The following DOCK1 variants were observed in gnomAD, a reference collection of about 807,000 sequenced individuals.
DOCK1 encodes the protein dedicator of cytokinesis protein 1.
A neutral mutation model predicts 262.7 loss-of-function variants in DOCK1; 138 were observed. The observed-to-expected ratio is 0.53, with a 90% CI of 0.46 to 0.61. DOCK1 has a LOEUF of 0.61. Among genes scored for constraint, DOCK1 ranks in the 20% least tolerant of loss-of-function variants. DOCK1 has a pLI of 0.00. For synonymous variants in DOCK1, 866 were observed against 867.4 expected (o/e 1.00, Z 0.03); for missense variants, 1,908 against 2,370.7 (o/e 0.80, Z 4.05).
chr10:126,979,242 C>T lies in DOCK1; in HGVS notation c.171+1254C>T, dbSNP rs1384574175. On this transcript the variant is annotated intron_variant, in intron 3 of 51. Coordinates refer to ENST00000623213, the MANE Select transcript of DOCK1 (RefSeq NM_001290223.2). ...TCCCCAATCAAGAGTGAATTCCAGC[C>T]AGGCCCAAAGATATGCACCTGTAGG... Among the ~76,000 whole-genome samples, 2 of 152,122 alleles carry T rather than the reference C, an allele frequency of 1.3e-5. 1 individual carries two copies. The highest frequency in any genetic ancestry group is 2.9e-5 in the Non-Finnish European group (2 of 68,016).
At chr10:127,081,735 C>T (rs550639580) in intron 23 of DOCK1, among the ~76,000 whole-genome samples, 3 of 152,174 alleles carry the variant, frequency 2.0e-5, no homozygotes, top group South Asian at 4.1e-4. Context: ...TCTGTCTTGC[C>T]GTGGACAAAT....
chr10:126,996,687 G>A, intron 6 of DOCK1, 61 bp from the exon 7 acceptor site: 1 of 1,491,412 alleles, frequency 6.7e-7, no homozygotes, highest in Non-Finnish European at 8.9e-7. Context: ...TGGAAGTTGT[G>A]CTAGAAAATT....
intron 29 of DOCK1, among the ~76,000 whole-genome samples, chr10:127,273,703 G>A (rs1027394818): frequency 2.0e-5 from 3 of 151,998 alleles, no homozygotes; most frequent in South Asian, 2.1e-4. Flanking sequence ...GCAACACGAC[G>A]CAACCCCATC....
At chr10:127,105,473 A>G (rs140342074) in intron 23 of DOCK1, among the ~76,000 whole-genome samples, 68 of 152,346 alleles carry the variant, frequency 4.5e-4, no homozygotes, top group African/African-American at 1.5e-3. Flanking sequence ...TATACAGGAA[A>G]ACATTTTTGG....
At chr10:127,105,463 T>C (rs563437444) in intron 23 of DOCK1, among the ~76,000 whole-genome samples, 79 of 152,286 alleles carry the variant, frequency 5.2e-4, no homozygotes, top group African/African-American at 1.8e-3. Context: ...TATATGCAGA[T>C]ATACAGGAAA....
At chr10:127,279,637 G>A (rs1164115048) in intron 29 of DOCK1, among the ~76,000 whole-genome samples, 1 of 152,070 alleles carries the variant, frequency 6.6e-6, no homozygotes, top group East Asian at 1.9e-4. Context: ...TTCTCTACAG[G>A]GCTGGTCCTC....
intron 1 of DOCK1, among the ~76,000 whole-genome samples, chr10:126,923,994 A>G (rs1221929033): frequency 6.6e-6 from 1 of 152,228 alleles, no homozygotes; most frequent in Non-Finnish European, 1.5e-5. Flanking sequence ...ATGAATTTCC[A>G]TTGTTTGTAA....
intron 19 of DOCK1, among the ~76,000 whole-genome samples, chr10:127,039,849 A>C (rs2135601616): frequency 6.6e-6 from 1 of 152,324 alleles, no homozygotes; most frequent in African/African-American, 2.4e-5. Flanking sequence ...ATTTAGCAAA[A>C]GATACGCTGT....
intron 25 of DOCK1, among the ~76,000 whole-genome samples, chr10:127,122,646 A>C (rs78055700): frequency 1.0e-5 from 1 of 99,038 alleles, no homozygotes; most frequent in Admixed American, 1.0e-4. Flanking sequence ...TTTTTTTTTT[A>C]CATCTTCTTG....
chr10:126,960,008 A>G (rs2037072572), intron 1 of DOCK1, among the ~76,000 whole-genome samples: 1 of 152,014 alleles, frequency 6.6e-6, no homozygotes, highest in African/African-American at 2.4e-5. Flanking sequence ...GGGTTTCACC[A>G]TGTTGGTCAG....
intron 27 of DOCK1, among the ~76,000 whole-genome samples, chr10:127,162,901 T>A (rs777807780): frequency 3.9e-5 from 6 of 152,076 alleles, no homozygotes; most frequent in Non-Finnish European, 7.3e-5. Context: ...CAGAAGACCT[T>A]TGTTTCCAAA....
In DOCK1 at chr10:127,413,021, G is replaced by A. The variant is rs148630290; in HGVS notation, c.4428+2097G>A. On this transcript the variant is annotated intron_variant, in intron 43 of 51. Transcript: ENST00000623213. ...AGGCACGTCCAACCTGGACACCCTC[G>A]CTAAGGGCAGTGGCTTTCAGAGCAG... is the stretch of plus-strand genomic sequence containing the variant. Among the ~76,000 whole-genome samples the A allele has an allele frequency of 2.1e-3, 327 of 152,292 alleles. 2 individuals are homozygous for A. The highest frequency in any genetic ancestry group is 3.7e-3 in the Non-Finnish European group (253 of 68,016).
At chr10:127,041,970 C>T (rs2044046028) in intron 19 of DOCK1, among the ~76,000 whole-genome samples, 1 of 152,206 alleles carries the variant, frequency 6.6e-6, no homozygotes, top group Admixed American at 6.5e-5. Flanking sequence ...GGACTTGAAG[C>T]TGACTTGTAG....
intron 38 of DOCK1, among the ~76,000 whole-genome samples, chr10:127,392,261 T>C (rs6482854): frequency 0.47 from 70,295 of 151,160 alleles, 16,678 homozygotes; most frequent in African/African-American, 0.51. Context: ...GGGGTGGGCC[T>C]CGAGGCTCTG....
chr10:127,035,501 C>T (rs1436045439), intron 18 of DOCK1, among the ~76,000 whole-genome samples: 1 of 152,094 alleles, frequency 6.6e-6, no homozygotes. Flanking sequence ...TCCCTTTGCT[C>T]CAAGGTGTTT....
intron 27 of DOCK1, among the ~76,000 whole-genome samples, chr10:127,247,682 G>A (rs1363341198): frequency 1.3e-5 from 2 of 152,186 alleles, no homozygotes. Context: ...ATACAGCCCT[G>A]AGTGTGAGTG....
chr10:127,136,778 C>T (rs1414694123), intron 27 of DOCK1: 1 of 152,602 alleles, frequency 6.6e-6, no homozygotes, highest in African/African-American at 2.4e-5. Flanking sequence ...GCGACATTGT[C>T]CCTTGGTAGC....
chr10:126,941,559 A>C lies in DOCK1; in HGVS notation c.47-29143A>C, dbSNP rs990997469. Among the ~76,000 whole-genome samples the C allele has an allele frequency of 3.7e-3, 567 of 152,284 alleles. 3 individuals are homozygous for C. Among genetic ancestry groups the C allele is most frequent in the African/African-American group, 0.013 (534 of 41,576 alleles). ...ATCACGAGGTCAGGAGATCGAGACC[A>C]TCCTGGCTAACACGGTGAAACCCTG... On this transcript the variant is annotated intron_variant, in intron 1 of 51. Coordinates refer to ENST00000623213, the MANE Select transcript of DOCK1 (RefSeq NM_001290223.2).
At position 127,192,497 on chromosome 10, in the gene DOCK1, C is replaced by T. The variant is rs551444599; in HGVS notation, c.2848-55511C>T. 4 of 152,324 alleles carry T rather than the reference C, an allele frequency of 2.6e-5. No homozygotes were observed. The South Asian group carries it at 8.3e-4, about 32-fold the overall frequency. The allele number at this position is 152,324 out of a possible 1,614,324, so 9.4% of individuals were successfully genotyped here. ...TTTTATTCAGGTAGTGATTTGTCAT[C>T]TGATAACATCTTTATACACCTCAAA... is the stretch of plus-strand genomic sequence containing the variant. On this transcript the variant is annotated intron_variant, in intron 27 of 51. Coordinates refer to ENST00000623213, the MANE Select transcript of DOCK1 (RefSeq NM_001290223.2).
Sources: gnomAD v4.1 joint callset for allele counts (sites outside exome capture counted in the v4.1 genomes callset) on GRCh38, gnomAD v4.1.1 for gene constraint, MANE v1.5 for transcripts, NCBI Gene and HGNC (gene_info 2026-07-23, HGNC 2026-07-21) for gene names.